LIPA: variants seen among roughly 807,000 people sequenced by gnomAD.
LIPA encodes lipase A, lysosomal acid type.
In LIPA, 26 loss-of-function variants were observed where a neutral mutation model predicts 40.6. The observed-to-expected ratio is 0.64, with a 90% CI of 0.47 to 0.89. The LOEUF is 0.89. LIPA is among the 40% of genes least tolerant of loss of function. The pLI, the probability that LIPA is intolerant of heterozygous loss-of-function variation, is 0.00. For missense variants in LIPA, 455 were observed against 479.6 expected (o/e 0.95, Z 0.48); for synonymous variants, 188 against 168.4 (o/e 1.12, Z -0.90).
intron 1 of LIPA, among the ~76,000 whole-genome samples, chr10:89,290,138 C>T (rs1843365617): frequency 6.6e-6 from 1 of 152,134 alleles, no homozygotes; most frequent in Non-Finnish European, 1.5e-5. Context: ...TTACACTAAA[C>T]CCTCTTGGAC....
rs759696601 is a variant in LIPA at position 89,392,466 on chromosome 10, T to TCCC, written c.61+20322_61+20324dup. 1.7e-3 allele frequency: 492 copies of TCCC among 287,692 alleles called. 8 individuals carry two copies. Among genetic ancestry groups the TCCC allele is most frequent in the African/African-American group, 0.015 (423 of 28,182 alleles). The allele number at this position is 287,692 out of a possible 1,614,324, so 17.8% of individuals were successfully genotyped here. On this transcript the variant is annotated intron_variant, in intron 2 of 8. Transcript: ENST00000371837. ...TTTTAAAATAGAAACAAAGTTTCAT[T>TCCC]CCCCACCCCCCCCCGTCAGCAGGAA...
At chr10:89,382,475 C>A (rs1376048694) in intron 2 of LIPA, among the ~76,000 whole-genome samples, 2 of 152,164 alleles carry the variant, frequency 1.3e-5, no homozygotes, top group African/African-American at 4.8e-5. Flanking sequence ...CCTTCTGGTC[C>A]CACTGACTTC....
At chr10:89,325,850 C>A (rs7095398) in intron 1 of LIPA, among the ~76,000 whole-genome samples, 81,455 of 151,798 alleles carry the variant, frequency 0.54, 22,636 homozygotes, top group East Asian at 0.93. Context: ...TGTATACCTG[C>A]ACATAAAATA....
At chr10:89,316,223 G>C (rs1204285967) in intron 1 of LIPA, among the ~76,000 whole-genome samples, 2 of 152,200 alleles carry the variant, frequency 1.3e-5, no homozygotes, top group East Asian at 3.8e-4. Flanking sequence ...GGGCTTGTCA[G>C]ATAGTGGGTG....
Position 89,249,634 on chromosome 10 carries a change from GA to G in LIPA, c.-1-1986del, listed in dbSNP as rs200404592. On this transcript the variant is annotated intron_variant, in intron 1 of 9. Transcript: ENST00000336233. ...CCAAAAGAAGCCAGATCAAAATAAG[GA>G]AAAAAAAAAGTACTGTCTGATCCCA... Among the ~76,000 whole-genome samples the G allele has an allele frequency of 3.4e-4, 50 of 148,332 alleles. No individual in the cohort carries two copies. The East Asian group carries it at 5.3e-3, about 16-fold the overall frequency.
chr10:89,363,038 C>A, intron 2 of LIPA: 1 of 237,470 alleles, frequency 4.2e-6, no homozygotes, highest in South Asian at 8.0e-5. Context: ...AAGCTCTAAT[C>A]AGTATGTCTT....
Position 89,214,096 on chromosome 10 carries a change from A to C in LIPA, c.*732T>G, listed in dbSNP as rs1384764772. On this transcript the variant is annotated 3_prime_UTR_variant, in exon 10 of 10. Transcript: ENST00000336233. Reference sequence around the variant, plus strand: ...CTGCCATGAAATTGAGAGCTCATGAATATAGATGGTTGAGTGTATCAGTCT... The same window carrying C: ...CTGCCATGAAATTGAGAGCTCATGACTATAGATGGTTGAGTGTATCAGTCT... The C allele has an allele frequency of 6.6e-6, 1 of 152,274 alleles. No individual in the cohort carries two copies. The highest frequency in any genetic ancestry group is 2.4e-5 in the African/African-American group (1 of 41,472). The allele number at this position is 152,274 out of a possible 1,614,324, so 9.4% of individuals were successfully genotyped here.
At chr10:89,402,469 A>T in intron 2 of LIPA, 1 of 1,614,204 alleles carries the variant, frequency 6.2e-7, no homozygotes. Flanking sequence ...AAACACCTGA[A>T]AGGCCAGAAT....
intron 2 of LIPA, among the ~76,000 whole-genome samples, chr10:89,375,988 A>C (rs952250018): frequency 1.3e-5 from 2 of 152,022 alleles, no homozygotes; most frequent in Non-Finnish European, 2.9e-5. Flanking sequence ...GGAGTTCGAA[A>C]CCAGGATGGC....
At chr10:89,402,209 A>T in intron 2 of LIPA, 5 of 895,156 alleles carry the variant, frequency 5.6e-6, no homozygotes, top group Non-Finnish European at 8.8e-6. Context: ...CTAAAATACA[A>T]GGTATTTTAT....
intron 2 of LIPA, among the ~76,000 whole-genome samples, chr10:89,411,078 A>G (rs1416874841): frequency 6.6e-6 from 1 of 152,252 alleles, no homozygotes; most frequent in South Asian, 2.1e-4. Flanking sequence ...TAACACTCCA[A>G]TACCACCTTG....
intron 1 of LIPA, among the ~76,000 whole-genome samples, chr10:89,312,430 G>A (rs2133527332): frequency 6.6e-6 from 1 of 152,236 alleles, no homozygotes; most frequent in South Asian, 2.1e-4. Context: ...AACACAGTGA[G>A]ATGAGACCCT....
intron 1 of LIPA, among the ~76,000 whole-genome samples, chr10:89,297,168 C>T (rs1428564536): frequency 6.6e-6 from 1 of 152,122 alleles, no homozygotes; most frequent in Non-Finnish European, 1.5e-5. Context: ...TAACAGAGGG[C>T]CTTGGCATTT....
upstream of LIPA, among the ~76,000 whole-genome samples, chr10:89,256,568 G>A (rs941140665): frequency 2.0e-5 from 3 of 152,184 alleles, no homozygotes; most frequent in East Asian, 3.9e-4. Flanking sequence ...ACTGAGAAAC[G>A]AGCAACAGAT....
chr10:89,313,986 C>G (rs1843529399), intron 1 of LIPA, among the ~76,000 whole-genome samples: 2 of 152,082 alleles, frequency 1.3e-5, no homozygotes, highest in Non-Finnish European at 2.9e-5. Flanking sequence ...GAATTGTATA[C>G]TTTAAATGAG....
intron 1 of LIPA, among the ~76,000 whole-genome samples, chr10:89,334,037 G>A (rs59564102): frequency 0.054 from 8,149 of 152,264 alleles, 393 homozygotes; most frequent in East Asian, 0.21. Flanking sequence ...TAGTCAGTTG[G>A]AGCATAACCA....
intron 1 of LIPA, among the ~76,000 whole-genome samples, chr10:89,294,456 C>A (rs575185599): frequency 1.3e-5 from 2 of 152,250 alleles, no homozygotes; most frequent in South Asian, 4.1e-4. Context: ...TGAGGGTGAG[C>A]AAGAGAAGGT....
At chr10:89,383,896 T>C in intron 2 of LIPA, 1 of 1,614,110 alleles carries the variant, frequency 6.2e-7, no homozygotes, top group Non-Finnish European at 8.5e-7. Flanking sequence ...TAACACAGCA[T>C]CAGGGAGGAA....
rs1259981625 is a variant in LIPA at position 89,215,989 on chromosome 10, A to G, written c.915T>C (p.Phe305=). 1.2e-6 allele frequency: 2 copies of G among 1,611,218 alleles called. No individual in the cohort carries two copies. The highest frequency in any genetic ancestry group is 1.7e-6 in the Non-Finnish European group (2 of 1,177,318). ...HWSQAVKFQK[F]QAFDWGSSAK... ...CACTGCTTCCCCAGTCAAAGGCTTGAAACTTTTGGAATTTAACAGCCTAAA... is the reference window on the plus strand; with the variant it reads ...CACTGCTTCCCCAGTCAAAGGCTTGGAACTTTTGGAATTTAACAGCCTAAA... Residue 305 remains phenylalanine, a synonymous_variant, in exon 9 of 10, where the codon TTT becomes TTC. Coordinates refer to ENST00000336233, the MANE Select transcript of LIPA (RefSeq NM_000235.4).
Sources: gnomAD v4.1 joint callset for allele counts (sites outside exome capture counted in the v4.1 genomes callset) on GRCh38, gnomAD v4.1.1 for gene constraint, MANE v1.5 for transcripts, NCBI Gene and HGNC (gene_info 2026-07-23, HGNC 2026-07-21) for gene names.